The following COL25A1 variants were observed in gnomAD, a reference collection of about 807,000 sequenced individuals.
The protein encoded by COL25A1 is collagen alpha-1(XXV) chain.
Under a neutral mutation model 128.4 loss-of-function variants are expected in COL25A1, and 103 were observed. The ratio of observed to expected loss-of-function variants is 0.80; its 90% confidence interval spans 0.68 to 0.94. COL25A1 has a LOEUF of 0.94. Among genes scored for constraint, COL25A1 ranks in the 40% least tolerant of loss-of-function variants. COL25A1 has a pLI of 0.00. For missense variants in COL25A1, 745 were observed against 840.0 expected (o/e 0.89, Z 1.40); for synonymous variants, 279 against 277.2 (o/e 1.01, Z -0.06).
chr4:109,043,633 G>A (rs1462981945), intron 5 of COL25A1, among the ~76,000 whole-genome samples: 1 of 152,032 alleles, frequency 6.6e-6, no homozygotes, highest in Non-Finnish European at 1.5e-5. Context: ...TACAGGACTT[G>A]CTTGATTCTG....
chr4:108,884,200 A>C lies in COL25A1; in HGVS notation c.998T>G (p.Leu333Arg). 6.2e-7 allele frequency: 1 copy of C among 1,613,806 alleles called. No individual in the cohort carries two copies. The highest frequency in any genetic ancestry group is 8.5e-7 in the Non-Finnish European group (1 of 1,179,800). The change falls in exon 19 of 38, where the codon CTT (leucine) becomes CGT (arginine). Residue 333 changes from leucine to arginine, a missense_variant. Physicochemically the swap from Leu to Arg is moderately radical, Grantham distance 102 (BLOSUM62 -2). Around this residue, in one of 3 missense-constraint regions of COL25A1, gnomAD observed 387 missense variants for 441.9 expected, o/e 0.88. Transcript: ENST00000399132. Reference protein sequence around the residue: ...GQKGEPGLPGLPGLPGIKGEP... With the variant: ...GQKGEPGLPGRPGLPGIKGEP... ...TACCTTTATCCCCGGAAGTCCAGGAAGCCCAGGAAGCCCTGGTTCACCCTA... is the reference window on the plus strand; with the variant it reads ...TACCTTTATCCCCGGAAGTCCAGGACGCCCAGGAAGCCCTGGTTCACCCTA...
intron 3 of COL25A1, among the ~76,000 whole-genome samples, chr4:109,104,324 A>T (rs1171776855): frequency 2.6e-5 from 4 of 151,906 alleles, no homozygotes; most frequent in African/African-American, 9.7e-5. Context: ...AGTGAGCTAT[A>T]ACTGTGCCAC....
chr4:109,279,027 T>C (rs1214749203), intron 3 of COL25A1, among the ~76,000 whole-genome samples: 1 of 151,642 alleles, frequency 6.6e-6, no homozygotes, highest in Non-Finnish European at 1.5e-5. Flanking sequence ...ATCTGGCCTC[T>C]GTCCTCATGA....
intron 15 of COL25A1, among the ~76,000 whole-genome samples, chr4:108,897,108 T>A (rs886687611): frequency 3.3e-5 from 5 of 152,100 alleles, no homozygotes; most frequent in African/African-American, 1.2e-4. Context: ...GTCACCTGGA[T>A]CCCTCCCCTC....
chr4:109,240,403 T>C (rs530731542), intron 3 of COL25A1, among the ~76,000 whole-genome samples: 1 of 152,208 alleles, frequency 6.6e-6, no homozygotes, highest in African/African-American at 2.4e-5. Context: ...GGGTCATATA[T>C]GCAGTTTGTT....
chr4:108,958,285 T>A (rs1750297743), intron 8 of COL25A1, among the ~76,000 whole-genome samples: 3 of 152,056 alleles, frequency 2.0e-5, no homozygotes, highest in Admixed American at 1.3e-4. Context: ...TTGTTAGAAA[T>A]ATTTATAAGG....
chr4:108,917,460 T>C (rs1406482340), intron 13 of COL25A1, among the ~76,000 whole-genome samples: 1 of 152,140 alleles, frequency 6.6e-6, no homozygotes, highest in African/African-American at 2.4e-5. Context: ...GGCTCAGCAA[T>C]GGGCTTTGTC....
chr4:109,010,208 G>T (rs974346365), intron 6 of COL25A1, 150 bp downstream of exon 6: 1 of 658,738 alleles, frequency 1.5e-6, no homozygotes, highest in African/African-American at 1.9e-5. Flanking sequence ...AGGCCCCAAG[G>T]GTTTACTCCT....
At chr4:108,837,574 G>A (rs142267959) in intron 31 of COL25A1, among the ~76,000 whole-genome samples, 185 of 152,178 alleles carry the variant, frequency 1.2e-3, no homozygotes, top group African/African-American at 4.3e-3. Context: ...TCATAACAGG[G>A]AATTTTCAAA....
At chr4:109,270,391 T>C (rs904872691) in intron 3 of COL25A1, among the ~76,000 whole-genome samples, 1 of 152,174 alleles carries the variant, frequency 6.6e-6, no homozygotes, top group Non-Finnish European at 1.5e-5. Context: ...ACAAAATCAA[T>C]GTGCAAAAAT....
At chr4:109,122,256 C>T (rs1247668086) in intron 3 of COL25A1, among the ~76,000 whole-genome samples, 3 of 151,872 alleles carry the variant, frequency 2.0e-5, no homozygotes, top group Non-Finnish European at 2.9e-5. Flanking sequence ...AGAGGGAACC[C>T]TAATGTAAAC....
At chr4:109,056,490 T>G (rs907657192) in intron 3 of COL25A1, among the ~76,000 whole-genome samples, 1 of 152,160 alleles carries the variant, frequency 6.6e-6, no homozygotes, top group Non-Finnish European at 1.5e-5. Context: ...TGAATAGTCC[T>G]TTCACAAATA....
At chr4:108,838,507 C>T (rs939151191) in intron 31 of COL25A1, among the ~76,000 whole-genome samples, 4 of 151,742 alleles carry the variant, frequency 2.6e-5, no homozygotes, top group Non-Finnish European at 4.4e-5. Flanking sequence ...CAAAGACAAT[C>T]GAGTGGAGGA....
intron 3 of COL25A1, among the ~76,000 whole-genome samples, chr4:109,246,016 CAAA>C (rs772260651): frequency 2.0e-4 from 13 of 65,646 alleles, no homozygotes; most frequent in Admixed American, 4.7e-4. Flanking sequence ...TGTTAAAAAG[CAAA>C]AAAAAAAAAA....
intron 3 of COL25A1, among the ~76,000 whole-genome samples, chr4:109,272,036 C>A (rs138673132): frequency 6.6e-6 from 1 of 151,812 alleles, no homozygotes; most frequent in Non-Finnish European, 1.5e-5. Context: ...CCTAGGAGTT[C>A]GAGACCAGCC....
chr4:109,038,119 T>C (rs1338248952), intron 5 of COL25A1, among the ~76,000 whole-genome samples: 2 of 152,142 alleles, frequency 1.3e-5, no homozygotes, highest in African/African-American at 4.8e-5. Context: ...CTCACTGTGA[T>C]GGTTAATGTG....
At chr4:108,906,142 C>T (rs1370850756) in intron 13 of COL25A1, among the ~76,000 whole-genome samples, 1 of 152,140 alleles carries the variant, frequency 6.6e-6, no homozygotes, top group Admixed American at 6.5e-5. Flanking sequence ...AGAATAAGAG[C>T]CGACATCCTT....
At chr4:108,843,204 G>A (rs938551233) in intron 30 of COL25A1, among the ~76,000 whole-genome samples, 7 of 147,798 alleles carry the variant, frequency 4.7e-5, no homozygotes, top group African/African-American at 1.5e-4. Flanking sequence ...GAAGAAGGAA[G>A]AAGGAAGAAA....
At chr4:108,939,890 T>C (rs1560899890) in intron 10 of COL25A1, among the ~76,000 whole-genome samples, 1 of 152,194 alleles carries the variant, frequency 6.6e-6, no homozygotes, top group Non-Finnish European at 1.5e-5. Flanking sequence ...CCAATCTTAG[T>C]AGCCAAGTAT....
Sources: allele counts gnomAD v4.1 joint callset (sites outside exome capture counted in the v4.1 genomes callset), GRCh38; gene constraint gnomAD v4.1.1; regional missense constraint gnomAD v4.1.1; transcripts MANE v1.5; gene names NCBI Gene and HGNC (gene_info 2026-07-23, HGNC 2026-07-21).